CABIN1: variants seen among roughly 807,000 people sequenced by gnomAD.
The protein encoded by CABIN1 is calcineurin-binding protein cabin-1.
Under a neutral mutation model 227.7 loss-of-function variants are expected in CABIN1, and 133 were observed. The ratio of observed to expected loss-of-function variants is 0.58; its 90% CI spans 0.51 to 0.67. The LOEUF is 0.67. Among genes scored for constraint, CABIN1 ranks in the 30% least tolerant of loss-of-function variants. The pLI is 0.00. For synonymous variants in CABIN1, 1,086 were observed against 1,155.1 expected (o/e 0.94, Z 1.21); for missense variants, 2,408 against 2,852.5 (o/e 0.84, Z 3.55).
chr22:24,089,554 T>A (rs143347291), intron 23 of CABIN1, among the ~76,000 whole-genome samples: 104 of 152,300 alleles, frequency 6.8e-4, no homozygotes, highest in African/African-American at 2.4e-3. Flanking sequence ...TGTTTCATAG[T>A]TGCCGAGGGT....
At chr22:24,072,139 G>A (rs2040131840) in intron 17 of CABIN1, among the ~76,000 whole-genome samples, 1 of 152,198 alleles carries the variant, frequency 6.6e-6, no homozygotes, top group Non-Finnish European at 1.5e-5. Flanking sequence ...ACTGCATGTG[G>A]CATGAAGGAG....
intron 33 of CABIN1, 80 bp from the exon 34 acceptor site, chr22:24,171,633 C>T: frequency 6.5e-7 from 1 of 1,541,856 alleles, no homozygotes. Flanking sequence ...TGTGGGACAG[C>T]ACTGGTCGGC....
chr22:24,083,895 A>G (rs2040971653), intron 20 of CABIN1, among the ~76,000 whole-genome samples: 1 of 152,246 alleles, frequency 6.6e-6, no homozygotes, highest in Non-Finnish European at 1.5e-5. Flanking sequence ...TTTGGTTTTT[A>G]GAGCGCTATT....
At chr22:24,019,492 C>CA (rs1364594399) in intron 1 of CABIN1, among the ~76,000 whole-genome samples, 1 of 151,124 alleles carries the variant, frequency 6.6e-6, no homozygotes, top group Non-Finnish European at 1.5e-5. Context: ...TGACCTCAAG[C>CA]AATCCACCCA....
intron 30 of CABIN1, among the ~76,000 whole-genome samples, 167 bp downstream of exon 30, chr22:24,164,730 C>G (rs544240856): frequency 9.2e-5 from 14 of 152,142 alleles, no homozygotes; most frequent in Non-Finnish European, 1.8e-4. Flanking sequence ...GTGTCTAGAA[C>G]CTAAACAACA....
Position 24,074,694 on chromosome 22 carries a change from C to T in CABIN1, c.2633-1475C>T, listed in dbSNP as rs535670909. 2.6e-5 allele frequency among the ~76,000 whole-genome samples: 4 copies of T among 152,282 alleles called. No individual in the cohort carries two copies. The South Asian group carries it at 6.2e-4, about 24-fold the overall frequency. On this transcript the variant is annotated intron_variant, in intron 18 of 36. Coordinates refer to ENST00000263119, the MANE Select transcript of CABIN1 (RefSeq NM_012295.4). ...TAACAGTTATCACATACTGAATTCT[C>T]TGGAAGCAGATACTAAGACAGGGTT...
rs34626155 is a variant in CABIN1, at chr22:24,072,396, C to G, written c.2518C>G (p.Pro840Ala). 2,611 of 1,614,170 alleles carry G rather than the reference C, an allele frequency of 1.6e-3. 8 individuals carry two copies. The highest frequency in any genetic ancestry group is 0.013 in the Middle Eastern group (76 of 6,062). ...SMAVQEEAKEPHVSSVLPWII... is the reference protein window; with the variant it reads ...SMAVQEEAKEAHVSSVLPWII... ...GGCTGTGCAGGAGGAGGCCAAGGAGCCCCACGTCTCTTCAGTGCTACCCTG... is the reference window on the plus strand; with the variant it reads ...GGCTGTGCAGGAGGAGGCCAAGGAGGCCCACGTCTCTTCAGTGCTACCCTG... Residue 840 changes from proline (P) to alanine (A), a missense_variant, in exon 18 of 37, where the codon CCC becomes GCC. Pro to Ala is a conservative substitution (Grantham distance 27). Around this residue, in one of 3 missense-constraint regions of CABIN1, gnomAD observed 1,045 missense variants for 1,168.4 expected, o/e 0.89. Transcript: ENST00000263119.
chr22:24,045,336 T>G (rs760120884), intron 6 of CABIN1, among the ~76,000 whole-genome samples: 49 of 152,130 alleles, frequency 3.2e-4, no homozygotes, highest in Non-Finnish European at 2.5e-4. Flanking sequence ...CCAGGTGTGG[T>G]AGCTACAGGT....
chr22:24,072,652 G>A, intron 18 of CABIN1, 142 bp downstream of exon 18: 3 of 1,020,252 alleles, frequency 2.9e-6, no homozygotes, highest in Non-Finnish European at 4.4e-6. Flanking sequence ...CATGCGCTTG[G>A]ACAGAGGCAG....
chr22:24,161,255 A>G (rs774782520), intron 29 of CABIN1, among the ~76,000 whole-genome samples: 24 of 152,106 alleles, frequency 1.6e-4, no homozygotes, highest in Non-Finnish European at 3.4e-4. Context: ...CTCAAGCACA[A>G]TCTCAGTGTC....
intron 14 of CABIN1, 42 bp from the exon 15 acceptor site, chr22:24,063,993 G>A (rs765395420): frequency 1.3e-5 from 21 of 1,613,086 alleles, no homozygotes; most frequent in Admixed American, 1.7e-5. Context: ...ATCATAGTCA[G>A]TCTTCTGCTT....
chr22:24,042,357 G>T (rs2037442332), intron 5 of CABIN1, among the ~76,000 whole-genome samples: 1 of 152,180 alleles, frequency 6.6e-6, no homozygotes, highest in African/African-American at 2.4e-5. Context: ...GAGGCAGGAG[G>T]ATCACTTGAG....
rs969112628 is a variant in CABIN1, at chr22:24,037,799, A to G, written c.97-549A>G. 2.6e-5 allele frequency among the ~76,000 whole-genome samples: 4 copies of G among 152,318 alleles called. No homozygotes were observed. In the South Asian group the frequency reaches 6.2e-4, roughly 24 times the overall value. ...CATCCCACAAAACTGCCCTCACTTC[A>G]GATGCCAGTTGCAAGCGTTGAGTGC... is the stretch of plus-strand genomic sequence containing the variant. On this transcript the variant is annotated intron_variant, in intron 3 of 36. Transcript: ENST00000263119.
chr22:24,012,493 C>T (rs901492141), intron 1 of CABIN1, among the ~76,000 whole-genome samples: 2 of 152,184 alleles, frequency 1.3e-5, no homozygotes, highest in African/African-American at 4.8e-5. Flanking sequence ...AGCCAGGGCA[C>T]TGCCACCACT....
At chr22:24,118,612 G>C (rs368893495) in intron 27 of CABIN1, among the ~76,000 whole-genome samples, 5 of 152,184 alleles carry the variant, frequency 3.3e-5, no homozygotes, top group East Asian at 1.9e-4. Context: ...AGGACCCCTT[G>C]CCTTTATCCC....
intron 28 of CABIN1, among the ~76,000 whole-genome samples, chr22:24,134,030 C>G (rs2148188626): frequency 6.6e-6 from 1 of 152,314 alleles, no homozygotes; most frequent in East Asian, 1.9e-4. Flanking sequence ...GTTGGTCAGG[C>G]CAGGGGTCTG....
At chr22:24,172,327 G>A (rs1262006415) in intron 34 of CABIN1, among the ~76,000 whole-genome samples, 1 of 152,228 alleles carries the variant, frequency 6.6e-6, no homozygotes, top group Non-Finnish European at 1.5e-5. Context: ...AAGTAGGAAG[G>A]ATGGCTTGGT....
chr22:24,026,577 G>A (rs2036103996), intron 1 of CABIN1, among the ~76,000 whole-genome samples: 1 of 151,492 alleles, frequency 6.6e-6, no homozygotes. Flanking sequence ...TTTGGTCAAG[G>A]TTCTTTTTCT....
intron 1 of CABIN1, among the ~76,000 whole-genome samples, chr22:24,015,929 G>C (rs942664924): frequency 6.6e-6 from 1 of 152,156 alleles, no homozygotes; most frequent in African/African-American, 2.4e-5. Flanking sequence ...CTGCACTCCA[G>C]CCAGGGCGAC....
Sources: allele counts gnomAD v4.1 joint callset (sites outside exome capture counted in the v4.1 genomes callset), GRCh38; gene constraint gnomAD v4.1.1; regional missense constraint gnomAD v4.1.1; transcripts MANE v1.5; gene names NCBI Gene and HGNC (gene_info 2026-07-23, HGNC 2026-07-21).